BIRC6: variants seen among roughly 807,000 people sequenced by gnomAD.
BIRC6 encodes the protein dual E2 ubiquitin-conjugating enzyme/E3 ubiquitin-protein ligase BIRC6.
A neutral mutation model predicts 503.3 loss-of-function variants in BIRC6; 98 were observed. The ratio of observed to expected loss-of-function variants is 0.19; its 90% CI spans 0.17 to 0.23. The LOEUF is 0.23. Ranked by LOEUF, BIRC6 falls within the 10% of genes least tolerant of loss-of-function variation. The pLI is 1.00. For synonymous variants in BIRC6, 2,240 were observed against 2,078.7 expected (o/e 1.08, Z -2.11); for missense variants, 5,360 against 5,806.0 (o/e 0.92, Z 2.50).
In BIRC6 at chr2:32,543,551, T is replaced by C. The variant is rs1303604288; in HGVS notation, c.12592+10T>C. On this transcript the variant is annotated intron_variant, in intron 62 of 73. Transcript: ENST00000421745. ...GATGATGGAGAAGGAAGTAAGTGTT[T>C]AGTATTAAATTTATCAACACATATG... The C allele has an allele frequency of 6.2e-7, 1 of 1,609,420 alleles. No homozygotes were observed. Among genetic ancestry groups the C allele is most frequent in the Admixed American group, 1.7e-5 (1 of 59,910 alleles).
intron 26 of BIRC6, 132 bp downstream of exon 26, chr2:32,465,296 G>A: frequency 5.5e-6 from 3 of 549,996 alleles, no homozygotes; most frequent in Non-Finnish European, 9.1e-6. Flanking sequence ...CTTGGGTTAA[G>A]TACATTTTAT....
chr2:32,527,235 A>G (rs1406140498), intron 59 of BIRC6: 1 of 152,228 alleles, frequency 6.6e-6, no homozygotes, highest in African/African-American at 2.4e-5. Flanking sequence ...GATTGGTTTC[A>G]TAAACACTTT....
At chr2:32,476,383 G>A in intron 34 of BIRC6, 39 bp downstream of exon 34, 3 of 1,528,804 alleles carry the variant, frequency 2.0e-6, no homozygotes, top group Non-Finnish European at 2.6e-6. Context: ...TCTCAGAAAA[G>A]TCAAGGAGTT....
At position 32,488,696 on chromosome 2, in the gene BIRC6, G is replaced by C. The variant is rs1349521364; in HGVS notation, c.8077G>C (p.Val2693Leu). 1 of 1,420,540 alleles carries C rather than the reference G, an allele frequency of 7.0e-7. No individual in the cohort carries two copies. Among genetic ancestry groups the C allele is most frequent in the Admixed American group, 2.4e-5 (1 of 41,592 alleles). 88.0% of individuals were successfully genotyped at this position (1,420,540 alleles called of 1,614,324 possible). ...TTTATATAATGCTAATAGGATACCT[G>C]TTATTTCATTAAATCAAGGTAAGAT... ...IFLYNANRIPVISLNQASITS... is the reference protein window; with the variant it reads ...IFLYNANRIPLISLNQASITS... The change falls in exon 42 of 74, where the codon GTT (valine) becomes CTT (leucine). Residue 2693 changes from valine to leucine, a missense_variant. By Grantham distance (32) the Val-to-Leu change is conservative. Around this residue, in one of 16 missense-constraint regions of BIRC6, gnomAD observed 2,299 missense variants for 2,267.2 expected, o/e 1.01. Coordinates refer to ENST00000421745, the MANE Select transcript of BIRC6 (RefSeq NM_016252.4).
chr2:32,381,540 C>CT (rs71407447), intron 3 of BIRC6, among the ~76,000 whole-genome samples: 4,926 of 125,310 alleles, frequency 0.039, 188 homozygotes, highest in African/African-American at 0.088. Context: ...GCACCTGGCT[C>CT]TTTTTTTTTT....
Position 32,467,559 on chromosome 2 carries a change from G to A in BIRC6, c.5391G>A (p.Arg1797=), listed in dbSNP as rs757373286. The change falls in exon 27 of 74, where the codon AGG becomes AGA. Residue 1797 remains arginine, a synonymous_variant. Coordinates refer to ENST00000421745, the MANE Select transcript of BIRC6 (RefSeq NM_016252.4). ...GATTTGTGACCTTGGATTTTGGGAG[G>A]CCTATATTGTTGACTGATGTATTGA... ...ARRFVTLDFG[R]PILLTDVLIP... is the part of the protein sequence containing the mutation. 1 of 1,613,856 alleles carries A rather than the reference G, an allele frequency of 6.2e-7. No homozygotes were observed. The highest frequency in any genetic ancestry group is 2.2e-5 in the East Asian group (1 of 44,864).
intron 9 of BIRC6, among the ~76,000 whole-genome samples, chr2:32,408,141 T>C (rs534119747): frequency 1.3e-5 from 2 of 152,256 alleles, no homozygotes; most frequent in African/African-American, 2.4e-5. Context: ...CTAATTTTTG[T>C]ATCTTTAGTA....
chr2:32,395,711 C>A (rs953530567), intron 6 of BIRC6, 118 bp downstream of exon 6: 10 of 785,040 alleles, frequency 1.3e-5, no homozygotes, highest in Non-Finnish European at 4.3e-6. Flanking sequence ...ATATTTTTGT[C>A]ATTGTCCTGA....
intron 71 of BIRC6, among the ~76,000 whole-genome samples, chr2:32,606,535 A>G (rs764883633): frequency 2.6e-5 from 4 of 152,002 alleles, no homozygotes; most frequent in South Asian, 2.1e-4. Flanking sequence ...GGAGGTTGCA[A>G]TGAACCAAGA....
chr2:32,408,489 A>G (rs1444492569), intron 9 of BIRC6, among the ~76,000 whole-genome samples: 1 of 152,068 alleles, frequency 6.6e-6, no homozygotes, highest in Non-Finnish European at 1.5e-5. Context: ...TTTCCTTTGT[A>G]AAGTGTTTGC....
At chr2:32,435,714 A>C (rs879378307) in intron 14 of BIRC6, 129 bp downstream of exon 14, 28 of 997,600 alleles carry the variant, frequency 2.8e-5, no homozygotes, top group Middle Eastern at 2.2e-4. Flanking sequence ...AAAATAACCT[A>C]TAATTCTGCT....
intron 66 of BIRC6, among the ~76,000 whole-genome samples, chr2:32,585,787 A>G (rs1395646228): frequency 6.6e-6 from 1 of 152,210 alleles, no homozygotes; most frequent in Non-Finnish European, 1.5e-5. Flanking sequence ...TGTAATAAAT[A>G]CATAGTTGCG....
intron 65 of BIRC6, chr2:32,563,867 T>G (rs2059359105): frequency 6.6e-6 from 1 of 152,142 alleles, no homozygotes; most frequent in Non-Finnish European, 1.5e-5. Flanking sequence ...TCACTTGAGG[T>G]CAGGAGTTCG....
chr2:32,599,416 G>T (rs1164883270), intron 69 of BIRC6, among the ~76,000 whole-genome samples: 1 of 151,924 alleles, frequency 6.6e-6, no homozygotes, highest in African/African-American at 2.4e-5. Flanking sequence ...TATGCAAGCG[G>T]ATCACTTGAG....
At chr2:32,447,443 C>G (rs2046146992) in intron 21 of BIRC6, among the ~76,000 whole-genome samples, 1 of 148,338 alleles carries the variant, frequency 6.7e-6, no homozygotes, top group Non-Finnish European at 1.5e-5. Context: ...GACCCCCCAC[C>G]TCCCTCCCGG....
At chr2:32,384,912 C>T (rs920334542) in intron 3 of BIRC6, among the ~76,000 whole-genome samples, 79 of 152,202 alleles carry the variant, frequency 5.2e-4, no homozygotes, top group Non-Finnish European at 4.4e-5. Context: ...CGTATTTTTA[C>T]CCTCTGAGAG....
At chr2:32,460,309 T>A (rs59236600) in intron 23 of BIRC6, among the ~76,000 whole-genome samples, 194 of 118,834 alleles carry the variant, frequency 1.6e-3, no homozygotes, top group African/African-American at 5.8e-3. Context: ...ACATGGAGTC[T>A]CGCTCTGTTG....
chr2:32,369,428 A>AT (rs554684813), intron 1 of BIRC6, among the ~76,000 whole-genome samples: 1,482 of 139,614 alleles, frequency 0.011, 10 homozygotes, highest in Middle Eastern at 0.026. Flanking sequence ...GTAGCAATTG[A>AT]TTTTTTTTTT....
chr2:32,549,743 G>A (rs189644135), intron 65 of BIRC6, among the ~76,000 whole-genome samples: 1 of 152,066 alleles, frequency 6.6e-6, no homozygotes, highest in African/African-American at 2.4e-5. Flanking sequence ...TTAATCATCT[G>A]TAACTGAAAA....
Sources: allele counts gnomAD v4.1 joint callset (sites outside exome capture counted in the v4.1 genomes callset), GRCh38; gene constraint gnomAD v4.1.1; regional missense constraint gnomAD v4.1.1; transcripts MANE v1.5; gene names NCBI Gene and HGNC (gene_info 2026-07-23, HGNC 2026-07-21).